GPRASP3: variants seen among roughly 807,000 people sequenced by gnomAD.
GPRASP3 encodes G protein-coupled receptor associated sorting protein 3.
the GPRASP3 span, chrX:102,747,714 TA>T: frequency 8.9e-6 from 1 of 112,027 alleles, no homozygotes; most frequent in South Asian, 3.7e-4. Context: ...ACATTTAACA[TA>T]GCCTTGAATA....
At chrX:102,725,589 C>T in the GPRASP3 span, among the ~76,000 whole-genome samples, 5 of 107,490 alleles carry the variant, frequency 4.7e-5, no homozygotes, top group South Asian at 4.1e-4. Flanking sequence ...TGCAGTGGCA[C>T]GATCTCAGCT....
At chrX:102,722,926 G>A in the GPRASP3 span, among the ~76,000 whole-genome samples, 1 of 111,200 alleles carries the variant, frequency 9.0e-6, no homozygotes. Flanking sequence ...TAGCACAATA[G>A]GGTGCCTATA....
chrX:102,745,411 C>A, the GPRASP3 span, among the ~76,000 whole-genome samples: 2 of 111,316 alleles, frequency 1.8e-5, no homozygotes, highest in Non-Finnish European at 3.8e-5. Context: ...TTGATGGGAG[C>A]CCCCTGCCCC....
chrX:102,732,577 A>C, the GPRASP3 span, among the ~76,000 whole-genome samples: 2 of 112,323 alleles, frequency 1.8e-5, no homozygotes, highest in African/African-American at 6.5e-5. Context: ...TGATGAGACT[A>C]GATTCTAATA....
the GPRASP3 span, among the ~76,000 whole-genome samples, chrX:102,745,187 A>G: frequency 7.6e-4 from 84 of 110,811 alleles, no homozygotes; most frequent in African/African-American, 2.6e-3. Context: ...CATCAAAGAG[A>G]GAGGACTGTT....
At chrX:102,753,496 A>G in the GPRASP3 span, 1 of 123,289 alleles carries the variant, frequency 8.1e-6, no homozygotes, top group African/African-American at 3.3e-5. Flanking sequence ...ATGACATCTA[A>G]CAATATTGAA....
At chrX:102,748,944 C>T in the GPRASP3 span, 1 of 1,129,557 alleles carries the variant, frequency 8.9e-7, no homozygotes, top group Non-Finnish European at 1.2e-6. Flanking sequence ...ACCTAGGACA[C>T]ATTGAGAACC....
the GPRASP3 span, chrX:102,749,533 G>A: frequency 8.3e-7 from 1 of 1,211,898 alleles, no homozygotes; most frequent in Non-Finnish European, 1.1e-6. Context: ...CTGGTTTTGG[G>A]AAGGAGATGA....
At chrX:102,740,869 GAAAGA>G in the GPRASP3 span, among the ~76,000 whole-genome samples, 12 of 105,590 alleles carry the variant, frequency 1.1e-4, no homozygotes, top group Admixed American at 1.0e-4. Context: ...AAAGAAAGAA[GAAAGA>G]AAAGAAAAGA....
At chrX:102,745,650 A>C in the GPRASP3 span, among the ~76,000 whole-genome samples, 1 of 110,932 alleles carries the variant, frequency 9.0e-6, no homozygotes, top group South Asian at 3.9e-4. Flanking sequence ...CTGGTTGGGG[A>C]GTTGGGGCGG....
chrX:102,720,925 G>C, the GPRASP3 span: 1 of 112,023 alleles, frequency 8.9e-6, no homozygotes, highest in Non-Finnish European at 1.9e-5. Context: ...CAGCCAACCG[G>C]GAGCGTCTTA....
At chrX:102,725,176 G>C in the GPRASP3 span, among the ~76,000 whole-genome samples, 1 of 111,634 alleles carries the variant, frequency 9.0e-6, no homozygotes, top group Non-Finnish European at 1.9e-5. Context: ...CCAAGTCAAG[G>C]CCAGGACTAG....
chrX:102,734,148 T>A, the GPRASP3 span, among the ~76,000 whole-genome samples: 3 of 111,855 alleles, frequency 2.7e-5, no homozygotes, highest in Non-Finnish European at 5.6e-5. Flanking sequence ...TCACTTCTTT[T>A]GTGATTCTTC....
chrX:102,738,794 T>A, the GPRASP3 span, among the ~76,000 whole-genome samples: 1 of 111,815 alleles, frequency 8.9e-6, no homozygotes, highest in Non-Finnish European at 1.9e-5. Context: ...CTCAGTTAAT[T>A]TAGAAAGTTT....
At chrX:102,735,900 C>T in the GPRASP3 span, among the ~76,000 whole-genome samples, 2 of 112,452 alleles carry the variant, frequency 1.8e-5, no homozygotes, top group Non-Finnish European at 3.8e-5. Flanking sequence ...AAAACTGTTT[C>T]TTTAGTAGTT....
chrX:102,749,675 C>T, the GPRASP3 span: 1 of 1,211,202 alleles, frequency 8.3e-7, no homozygotes, highest in Non-Finnish European at 1.1e-6. Context: ...CCTGCTGTAA[C>T]TCCAGCTGTG....
At chrX:102,733,793 C>G in the GPRASP3 span, among the ~76,000 whole-genome samples, 1 of 110,408 alleles carries the variant, frequency 9.1e-6, no homozygotes, top group South Asian at 3.9e-4. Context: ...CACTTTCACT[C>G]GCATCCGTGT....
chrX:102,729,150 T>G, the GPRASP3 span, among the ~76,000 whole-genome samples: 1 of 112,182 alleles, frequency 8.9e-6, no homozygotes, highest in African/African-American at 3.2e-5. Context: ...ATTCTTGCAG[T>G]GAAGGGCCTC....
the GPRASP3 span, among the ~76,000 whole-genome samples, chrX:102,745,623 C>T: frequency 9.0e-6 from 1 of 111,189 alleles, no homozygotes; most frequent in Non-Finnish European, 1.9e-5. Flanking sequence ...AGGGAAGGGG[C>T]AGACACCCAG....
Sources: allele counts gnomAD v4.1 joint callset (sites outside exome capture counted in the v4.1 genomes callset), GRCh38; gene constraint gnomAD v4.1.1; transcripts MANE v1.5; gene names NCBI Gene and HGNC (gene_info 2026-07-23, HGNC 2026-07-21).